The following PPP1CC variants were observed in gnomAD, a reference collection of about 807,000 sequenced individuals.
PPP1CC encodes serine/threonine-protein phosphatase PP1-gamma catalytic subunit.
PPP1CC carries 16 observed loss-of-function variants against 38.4 expected under a neutral mutation model. The observed-to-expected ratio is 0.42, with a 90% CI of 0.28 to 0.63. The LOEUF is 0.63. PPP1CC is among the 30% of genes least tolerant of loss of function. The pLI is 0.25. For synonymous variants in PPP1CC, 158 were observed against 136.0 expected (o/e 1.16, Z -1.13); for missense variants, 170 against 391.3 (o/e 0.43, Z 4.77).
intron 3 of PPP1CC, among the ~76,000 whole-genome samples, chr12:110,727,956 C>T (rs1323677393): frequency 6.6e-6 from 1 of 152,254 alleles, no homozygotes; most frequent in East Asian, 1.9e-4. Context: ...TTTTTAAAGG[C>T]CTCTGCATTA....
At chr12:110,721,474 A>G in intron 6 of PPP1CC, 1 of 212,906 alleles carries the variant, frequency 4.7e-6, no homozygotes, top group Non-Finnish European at 9.3e-6. Flanking sequence ...AGTTCTTTAC[A>G]AAAGTGTTTC....
At chr12:110,717,443 G>A (rs1334652122), downstream of PPP1CC, among the ~76,000 whole-genome samples, 4 of 152,162 alleles carry the variant, frequency 2.6e-5, no homozygotes, top group African/African-American at 9.7e-5. Context: ...GCCCAGGCTG[G>A]AGTGCAGTGG....
chr12:110,711,904 A>C, the PPP1CC span, among the ~76,000 whole-genome samples: 1 of 151,922 alleles, frequency 6.6e-6, no homozygotes, highest in Non-Finnish European at 1.5e-5. Flanking sequence ...CAGCCTGGGC[A>C]ACAAGAATGA....
rs1566090481 is a variant in PPP1CC, at chr12:110,742,760, G to A, written c.-53C>T. 1.5e-6 allele frequency: 2 copies of A among 1,335,220 alleles called. No individual in the cohort carries two copies. Among genetic ancestry groups the A allele is most frequent in the Non-Finnish European group, 2.0e-6 (2 of 1,024,742 alleles). 82.7% of individuals were successfully genotyped at this position (1,335,220 alleles called of 1,614,324 possible). A position where few individuals can be genotyped will look rare whatever the true frequency, so the allele number is the denominator to read the frequency against. ...GCGGCGCCGCCGCCGGCTCGCGCCCGGGACTCACACCTCCTTTCCCACGCC... is the reference window on the plus strand; with the variant it reads ...GCGGCGCCGCCGCCGGCTCGCGCCCAGGACTCACACCTCCTTTCCCACGCC... On this transcript the variant is annotated 5_prime_UTR_variant, in exon 1 of 7. Coordinates refer to ENST00000335007, the MANE Select transcript of PPP1CC (RefSeq NM_002710.4).
chr12:110,712,053 TGTA>T, the PPP1CC span, among the ~76,000 whole-genome samples: 1 of 152,144 alleles, frequency 6.6e-6, no homozygotes, highest in South Asian at 2.1e-4. Flanking sequence ...ATATTTTTAC[TGTA>T]GCTTTTCTAT....
intron 1 of PPP1CC, among the ~76,000 whole-genome samples, chr12:110,741,891 T>A (rs1307906125): frequency 6.6e-6 from 1 of 152,194 alleles, no homozygotes; most frequent in Admixed American, 6.5e-5. Context: ...GTAAGCGCTT[T>A]AGAAGCGTCA....
chr12:110,735,793 G>A (rs754917624), intron 1 of PPP1CC, among the ~76,000 whole-genome samples: 1 of 151,478 alleles, frequency 6.6e-6, no homozygotes, highest in African/African-American at 2.4e-5. Flanking sequence ...GGCCAGGCAC[G>A]GTGGCTCATG....
intron 3 of PPP1CC, 143 bp from the exon 4 acceptor site, chr12:110,724,907 A>G (rs2069779049): frequency 2.1e-6 from 1 of 483,182 alleles, no homozygotes; most frequent in Non-Finnish European, 3.8e-6. Context: ...GAATCTTAAT[A>G]AAACCATCTT....
chr12:110,741,582 T>C (rs2136572700), intron 1 of PPP1CC, among the ~76,000 whole-genome samples: 1 of 152,300 alleles, frequency 6.6e-6, no homozygotes, highest in African/African-American at 2.4e-5. Context: ...CATGAATCAA[T>C]TGCCAGGCAC....
At chr12:110,731,630 T>C (rs2069873193) in intron 2 of PPP1CC, 140 bp downstream of exon 2, 2 of 827,710 alleles carry the variant, frequency 2.4e-6, no homozygotes, top group Non-Finnish European at 3.5e-6. Context: ...CTAAAGCTAC[T>C]ATTTAACTTA....
intron 1 of PPP1CC, chr12:110,732,197 T>C (rs955788113): frequency 2.1e-6 from 1 of 468,962 alleles, no homozygotes; most frequent in South Asian, 4.0e-5. Context: ...TGGCTCACGC[T>C]TGTAATCCCA....
intron 1 of PPP1CC, chr12:110,734,713 C>G (rs2136560813): frequency 6.5e-6 from 1 of 153,770 alleles, no homozygotes; most frequent in South Asian, 2.1e-4. Context: ...GGGCCACTTG[C>G]TTACCAGGCT....
downstream of PPP1CC, among the ~76,000 whole-genome samples, chr12:110,718,681 C>T (rs966067098): frequency 2.0e-5 from 3 of 152,176 alleles, no homozygotes; most frequent in Admixed American, 6.5e-5. Context: ...CACACAACTT[C>T]ACTCAAGATT....
At position 110,742,770 on chromosome 12, in the gene PPP1CC, C is replaced by A; in HGVS notation, c.-63G>T. On this transcript the variant is annotated 5_prime_UTR_variant, in exon 1 of 7. Transcript: ENST00000335007. ...CGCCGGCTCGCGCCCGGGACTCACACCTCCTTTCCCACGCCACGAGCAGAG... is the reference window on the plus strand; with the variant it reads ...CGCCGGCTCGCGCCCGGGACTCACAACTCCTTTCCCACGCCACGAGCAGAG... 7.8e-7 allele frequency: 1 copy of A among 1,275,464 alleles called. No individual in the cohort carries two copies. The highest frequency in any genetic ancestry group is 3.7e-5 in the Admixed American group (1 of 27,290). 79.0% of individuals were successfully genotyped at this position (1,275,464 alleles called of 1,614,324 possible).
At chr12:110,742,376 G>A (rs2070027595) in intron 1 of PPP1CC, among the ~76,000 whole-genome samples, 1 of 152,154 alleles carries the variant, frequency 6.6e-6, no homozygotes, top group Non-Finnish European at 1.5e-5. Context: ...ACGTGGGGGT[G>A]GGGAGCGGAG....
Position 110,730,575 on chromosome 12 carries a change from G to A in PPP1CC, c.372C>T (p.Asn124=). 2 of 1,613,700 alleles carry A rather than the reference G, an allele frequency of 1.2e-6. No individual in the cohort carries two copies. The highest frequency in any genetic ancestry group is 1.7e-6 in the Non-Finnish European group (2 of 1,179,904). The change falls in exon 3 of 7, where the codon AAC becomes AAT. Residue 124 remains asparagine (N), a synonymous_variant. Transcript: ENST00000335007. ...TTCTGTTGATGCTGGCACATTCATG[G>A]TTCCCTCTGAGAAGAAAAAAATTCT... is the stretch of plus-strand genomic sequence containing the variant. ...YPENFFLLRG[N]HECASINRIY... is the part of the protein sequence containing the mutation.
At chr12:110,713,026 T>C in the PPP1CC span, among the ~76,000 whole-genome samples, 1 of 151,954 alleles carries the variant, frequency 6.6e-6, no homozygotes, top group African/African-American at 2.4e-5. Flanking sequence ...TGAGCCGAGA[T>C]TGCACCATTG....
In PPP1CC at chr12:110,728,148, C is replaced by G. The variant is rs566788944; in HGVS notation, c.418+2381G>C. ...GGCACGGTGGCTCACGCCTGTAATC[C>G]CAGCACTTTGGGAAGCAGAGGCGGG... On this transcript the variant is annotated intron_variant, in intron 3 of 6. Transcript: ENST00000335007. Among the ~76,000 whole-genome samples, 534 of 152,246 alleles carry G rather than the reference C, an allele frequency of 3.5e-3. 2 individuals carry two copies. The highest frequency in any genetic ancestry group is 0.01 in the Middle Eastern group (3 of 294).
intron 3 of PPP1CC, chr12:110,725,351 TGA>T (rs2069785083): frequency 1.3e-5 from 2 of 152,472 alleles, no homozygotes; most frequent in South Asian, 4.1e-4. Flanking sequence ...TGAGGAAACC[TGA>T]GAGTTAGCAC....
Sources: gnomAD v4.1 joint callset for allele counts (sites outside exome capture counted in the v4.1 genomes callset) on GRCh38, gnomAD v4.1.1 for gene constraint, MANE v1.5 for transcripts, NCBI Gene and HGNC (gene_info 2026-07-23, HGNC 2026-07-21) for gene names.